Variants in STK32B observed in about 807,000 individuals in gnomAD.
The protein encoded by STK32B is serine/threonine-protein kinase 32B.
In STK32B, 43 loss-of-function variants were observed where a neutral mutation model predicts 52.6. The observed-to-expected ratio is 0.82, with a 90% CI of 0.64 to 1.05. The LOEUF (loss-of-function observed/expected upper bound fraction) is 1.05, where lower values mean the gene tolerates loss of function less well. Among genes scored for constraint, STK32B ranks in the 50% least tolerant of loss-of-function variants. The pLI, the probability that STK32B is intolerant of heterozygous loss-of-function variation, is 0.00. For synonymous variants in STK32B, 238 were observed against 204.3 expected (o/e 1.17, Z -1.41); for missense variants, 621 against 534.6 (o/e 1.16, Z -1.59).
chr4:5,231,618 A>G (rs969714429), intron 3 of STK32B, among the ~76,000 whole-genome samples: 1 of 152,204 alleles, frequency 6.6e-6, no homozygotes, highest in Non-Finnish European at 1.5e-5. Flanking sequence ...TCTCAAAAAC[A>G]GAAACACAAA....
chr4:5,180,832 G>A (rs1720295953), intron 3 of STK32B, among the ~76,000 whole-genome samples: 1 of 152,146 alleles, frequency 6.6e-6, no homozygotes, highest in Non-Finnish European at 1.5e-5. Flanking sequence ...AGCAATTTTT[G>A]CCTCTAAAGA....
intron 1 of STK32B, among the ~76,000 whole-genome samples, chr4:5,090,706 G>T (rs1208277921): frequency 2.6e-5 from 4 of 152,064 alleles, no homozygotes; most frequent in Non-Finnish European, 5.9e-5. Context: ...TGTAAGGAAG[G>T]GGTCCAGTTT....
chr4:5,147,182 G>A (rs539369003), intron 2 of STK32B, among the ~76,000 whole-genome samples: 53 of 151,988 alleles, frequency 3.5e-4, no homozygotes, highest in South Asian at 2.1e-4. Flanking sequence ...TTGGGGGTAC[G>A]GGGGACAGGG....
At position 5,260,750 on chromosome 4, in the gene STK32B, C is replaced by T. The variant is rs538547691; in HGVS notation, c.261-70470C>T. Among the ~76,000 whole-genome samples, 11 of 152,214 alleles carry T rather than the reference C, an allele frequency of 7.2e-5. No homozygotes were observed. The South Asian group carries it at 2.3e-3, about 32-fold the overall frequency. On this transcript the variant is annotated intron_variant, in intron 3 of 11. Coordinates refer to ENST00000282908, the MANE Select transcript of STK32B (RefSeq NM_018401.3). Reference sequence around the variant, plus strand: ...GCAAGTTGGTTTCTTAGGAAGCAGACTCTGACATGGAAGTTAGCAAGAAGG... The same window carrying T: ...GCAAGTTGGTTTCTTAGGAAGCAGATTCTGACATGGAAGTTAGCAAGAAGG...
rs148849409 is a variant in STK32B, at chr4:5,053,994, A to AATAAATAAATAAAT, written c.52+2090_52+2091insAATATAAATAAATA. On this transcript the variant is annotated intron_variant, in intron 1 of 11. Coordinates refer to ENST00000282908, the MANE Select transcript of STK32B (RefSeq NM_018401.3). ...AGCTCCATCTCAAAATAAATAAATAAATAAATAAATATAAATAAATATAAG... is the reference window on the plus strand; with the variant it reads ...AGCTCCATCTCAAAATAAATAAATAAATAAATAAATAAATATAAATAAATATAAATAAATATAAG... Among the ~76,000 whole-genome samples the AATAAATAAATAAAT allele has an allele frequency of 4.1e-4, 60 of 148,006 alleles. 1 individual carries two copies. The highest frequency in any genetic ancestry group is 1.4e-3 in the East Asian group (7 of 4,974).
At chr4:5,459,393 G>T (rs2109148472) in intron 8 of STK32B, among the ~76,000 whole-genome samples, 1 of 151,574 alleles carries the variant, frequency 6.6e-6, no homozygotes, top group South Asian at 2.1e-4. Context: ...CCTGCTTTCA[G>T]GGAGGCAATG....
intron 3 of STK32B, among the ~76,000 whole-genome samples, chr4:5,313,658 T>G (rs1053752465): frequency 6.6e-6 from 1 of 152,196 alleles, no homozygotes; most frequent in African/African-American, 2.4e-5. Flanking sequence ...CATATGTGTA[T>G]GTGCGTGTGT....
intron 5 of STK32B, among the ~76,000 whole-genome samples, chr4:5,414,434 A>G (rs564043812): frequency 7.9e-5 from 12 of 152,328 alleles, no homozygotes; most frequent in Admixed American, 7.8e-4. Flanking sequence ...AAACTAAAAA[A>G]GAATGTTTCG....
Position 5,467,990 on chromosome 4 carries a change from C to T in STK32B, c.1042-16C>T, listed in dbSNP as rs1717572675. 1.2e-6 allele frequency: 2 copies of T among 1,614,094 alleles called. No individual in the cohort carries two copies. The highest frequency in any genetic ancestry group is 8.5e-7 in the Non-Finnish European group (1 of 1,179,966). ...CGTGCTTTGTCATTTAGTCACCCCTCTGTGCTCTTTGACAGAATGGACACC... is the reference window on the plus strand; with the variant it reads ...CGTGCTTTGTCATTTAGTCACCCCTTTGTGCTCTTTGACAGAATGGACACC... On this transcript the variant is annotated splice_polypyrimidine_tract_variant and intron_variant, in intron 10 of 11. Transcript: ENST00000282908. The surrounding 1 kb of genome is among the most constrained non-coding windows in gnomAD (Gnocchi z 5.8).
chr4:5,387,211 C>T (rs975754657), intron 4 of STK32B, among the ~76,000 whole-genome samples: 3 of 152,182 alleles, frequency 2.0e-5, no homozygotes, highest in East Asian at 1.9e-4. Context: ...TGGCCTTGTA[C>T]GGAAGCCTGG....
At chr4:5,194,120 ACAGCCCCTTTTC>A (rs1721454206) in intron 3 of STK32B, among the ~76,000 whole-genome samples, 1 of 152,194 alleles carries the variant, frequency 6.6e-6, no homozygotes, top group Non-Finnish European at 1.5e-5. Context: ...TGATTTCAGC[ACAGCCCCTTTTC>A]ATCTCTGATG....
At chr4:5,370,356 T>C (rs1735149550) in intron 4 of STK32B, among the ~76,000 whole-genome samples, 1 of 152,222 alleles carries the variant, frequency 6.6e-6, no homozygotes, top group African/African-American at 2.4e-5. Flanking sequence ...CATCAATGAA[T>C]ATATTCTTTA....
Position 5,107,463 on chromosome 4 carries a change from T to G in STK32B, c.53-32442T>G, listed in dbSNP as rs113275043. Among the ~76,000 whole-genome samples the G allele has an allele frequency of 9.9e-3, 1,504 of 152,300 alleles. 20 individuals carry two copies. The highest frequency in any genetic ancestry group is 0.033 in the African/African-American group (1,386 of 41,562). ...CAAAACTGGTCTCTGGTCCTAAAAGTGTGGGGACCACTGTGCTAAGGGATT... is the reference window on the plus strand; with the variant it reads ...CAAAACTGGTCTCTGGTCCTAAAAGGGTGGGGACCACTGTGCTAAGGGATT... On this transcript the variant is annotated intron_variant, in intron 1 of 11. Transcript: ENST00000282908.
Position 5,115,519 on chromosome 4 carries a change from G to A in STK32B, c.53-24386G>A, listed in dbSNP as rs574463302. On this transcript the variant is annotated intron_variant, in intron 1 of 11. Coordinates refer to ENST00000282908, the MANE Select transcript of STK32B (RefSeq NM_018401.3). ...AAGCAAAGACAGAAGTGTGTCTGGG[G>A]CAAAGCTGGAAATGTGCATCTTAAA... Among the ~76,000 whole-genome samples, 6 of 152,324 alleles carry A rather than the reference G, an allele frequency of 3.9e-5. No homozygotes were observed. The South Asian group carries it at 1.2e-3, about 32-fold the overall frequency.
At chr4:5,163,548 G>C (rs1345837630) in intron 2 of STK32B, among the ~76,000 whole-genome samples, 33 of 132,306 alleles carry the variant, frequency 2.5e-4, no homozygotes, top group African/African-American at 1.1e-3. Flanking sequence ...CTGTGTGTGT[G>C]TGTGTGTGTG....
At chr4:5,141,922 A>G (rs1418534684) in intron 2 of STK32B, among the ~76,000 whole-genome samples, 1 of 151,958 alleles carries the variant, frequency 6.6e-6, no homozygotes, top group South Asian at 2.1e-4. Context: ...ACTGCTCCTC[A>G]CTTCTGTGAC....
At chr4:5,157,300 A>G (rs796085886) in intron 2 of STK32B, among the ~76,000 whole-genome samples, 1 of 53,384 alleles carries the variant, frequency 1.9e-5, no homozygotes, top group Non-Finnish European at 3.9e-5. Context: ...GTGAGGATGT[A>G]AAAAAAAAAA....
At chr4:5,370,984 ATGTGTG>A (rs149501017) in intron 4 of STK32B, among the ~76,000 whole-genome samples, 9 of 145,310 alleles carry the variant, frequency 6.2e-5, no homozygotes, top group Admixed American at 2.8e-4. Flanking sequence ...ATATATATAT[ATGTGTG>A]TGTGTGTATA....
intron 1 of STK32B, among the ~76,000 whole-genome samples, chr4:5,101,636 C>T (rs1357919014): frequency 1.3e-5 from 2 of 152,026 alleles, no homozygotes; most frequent in Non-Finnish European, 2.9e-5. Context: ...ATGACTTAGG[C>T]TTCTGAAAGA....
Sources: allele counts gnomAD v4.1 joint callset (sites outside exome capture counted in the v4.1 genomes callset), GRCh38; gene constraint gnomAD v4.1.1; non-coding constraint Gnocchi (gnomAD v3.1); transcripts MANE v1.5; gene names NCBI Gene and HGNC (gene_info 2026-07-23, HGNC 2026-07-21).